TSPAN11: variants seen among roughly 807,000 people sequenced by gnomAD.
TSPAN11 encodes tetraspanin-11.
TSPAN11 carries 29 observed loss-of-function variants against 32.9 expected under a neutral mutation model. The observed-to-expected ratio is 0.88, with a 90% confidence interval of 0.66 to 1.20. TSPAN11 has a LOEUF of 1.20. Among genes scored for constraint, TSPAN11 ranks in the 50% most tolerant of loss-of-function variants. TSPAN11 has a pLI of 0.00. For synonymous variants in TSPAN11, 140 were observed against 141.3 expected (o/e 0.99, Z 0.07); for missense variants, 283 against 329.1 (o/e 0.86, Z 1.08).
rs1272294318 is a variant in TSPAN11, at chr12:30,959,790, A to AC, written c.85-4036_85-4035insC. Reference sequence around the variant, plus strand: ...GTGAGACTCTGTCTCAAAAAAAAAAAAAAAAAAAACCGAGGTGTGGGGGGA... The same window carrying AC: ...GTGAGACTCTGTCTCAAAAAAAAAAACAAAAAAAAACCGAGGTGTGGGGGGA... On this transcript the variant is annotated intron_variant, in intron 2 of 7. Transcript: ENST00000546076. 7.7e-5 allele frequency among the ~76,000 whole-genome samples: 11 copies of AC among 143,182 alleles called. 1 individual carries two copies. Among genetic ancestry groups the AC allele is most frequent in the African/African-American group, 2.8e-4 (10 of 36,162 alleles). The allele number at this position is 143,182 out of a possible 152,430, so 93.9% of individuals were successfully genotyped here.
chr12:30,964,073 G>C, intron 3 of TSPAN11, 56 bp downstream of exon 3: 2 of 1,567,256 alleles, frequency 1.3e-6, no homozygotes, highest in Non-Finnish European at 1.7e-6. Context: ...ACCCAGTCAG[G>C]TTTCCAGCAA....
intron 1 of TSPAN11, among the ~76,000 whole-genome samples, chr12:30,938,473 A>AGG (rs1484076811): frequency 1.3e-5 from 2 of 152,216 alleles, no homozygotes; most frequent in East Asian, 3.8e-4. Flanking sequence ...GGTAGTTAGA[A>AGG]GGGGTGCTGG....
At chr12:30,958,704 T>A (rs1221374301) in intron 2 of TSPAN11, among the ~76,000 whole-genome samples, 8 of 152,106 alleles carry the variant, frequency 5.3e-5, no homozygotes, top group African/African-American at 1.7e-4. Flanking sequence ...CACTTCTCCG[T>A]CATAGCAGAA....
the TSPAN11 span, among the ~76,000 whole-genome samples, chr12:31,008,016 C>T: frequency 7.9e-5 from 12 of 152,158 alleles, no homozygotes; most frequent in African/African-American, 2.7e-4. Context: ...GCAGAAGGGC[C>T]GCAGCTCCCT....
chr12:30,961,887 C>A (rs1476229925), intron 2 of TSPAN11, among the ~76,000 whole-genome samples: 4 of 152,018 alleles, frequency 2.6e-5, no homozygotes, highest in African/African-American at 9.7e-5. Context: ...GGCTGCAAAC[C>A]CTCACATTAC....
chr12:30,961,296 A>G lies in TSPAN11; in HGVS notation c.85-2530A>G, dbSNP rs1399238044. On this transcript the variant is annotated intron_variant, in intron 2 of 7. Coordinates refer to ENST00000546076, the MANE Select transcript of TSPAN11 (RefSeq NM_001370302.1). ...CCGGAGGTTCTTTGACAGAAGCTTG[A>G]CTTCTGGTACCAGCAGGGACAGTTT... Among the ~76,000 whole-genome samples, 4 of 151,808 alleles carry G rather than the reference A, an allele frequency of 2.6e-5. 1 individual carries two copies. Among genetic ancestry groups the G allele is most frequent in the African/African-American group, 7.3e-5 (3 of 41,166 alleles).
intron 5 of TSPAN11, among the ~76,000 whole-genome samples, chr12:30,980,956 C>G (rs1038564622): frequency 6.6e-6 from 1 of 152,198 alleles, no homozygotes; most frequent in Non-Finnish European, 1.5e-5. Context: ...GGACACACAG[C>G]AGGCGATGTG....
chr12:30,992,108 C>T lies in TSPAN11; in HGVS notation c.*193C>T. 2 of 636,322 alleles carry T rather than the reference C, an allele frequency of 3.1e-6. No homozygotes were observed. Among genetic ancestry groups the T allele is most frequent in the South Asian group, 3.6e-5 (2 of 54,892 alleles). The allele number at this position is 636,322 out of a possible 1,614,324, so 39.4% of individuals were successfully genotyped here. ...CACCCAGGCAGAGACCCTCGGCCCC[C>T]TCTCCTCCATTTCTGAGCCCCCATG... is the stretch of plus-strand genomic sequence containing the variant. On this transcript the variant is annotated 3_prime_UTR_variant, in exon 8 of 8. Transcript: ENST00000546076.
At chr12:30,997,757 A>AT (rs1203434482), downstream of TSPAN11, among the ~76,000 whole-genome samples, 2 of 152,118 alleles carry the variant, frequency 1.3e-5, no homozygotes, top group Middle Eastern at 3.2e-3. Context: ...GCTCAGGGGG[A>AT]TCCCCAGACA....
rs539213466 is a variant in TSPAN11 at position 30,964,008 on chromosome 12, C to T, written c.267C>T (p.Cys89=). 22 of 1,613,290 alleles carry T rather than the reference C, an allele frequency of 1.4e-5. No homozygotes were observed. In the South Asian group the frequency reaches 2.3e-4, roughly 17 times the overall value. The change falls in exon 3 of 8, where the codon TGC becomes TGT. Residue 89 remains cysteine (C), a synonymous_variant. Coordinates refer to ENST00000546076, the MANE Select transcript of TSPAN11 (RefSeq NM_001370302.1). ...CCATCCTCTGGGAGCGGAAGGGCTG[C>T]CTCTCCACGGTCAGTGCCCGCCCTG... ...FGAILWERKG[C]LSTYFCLLLV...
intron 1 of TSPAN11, among the ~76,000 whole-genome samples, chr12:30,949,455 G>T (rs553862655): frequency 7.9e-5 from 12 of 152,102 alleles, no homozygotes; most frequent in Non-Finnish European, 2.9e-5. Flanking sequence ...CTTACATGGT[G>T]GCAGCAAGAG....
At chr12:30,940,063 C>T (rs1373780949) in intron 1 of TSPAN11, among the ~76,000 whole-genome samples, 1 of 152,184 alleles carries the variant, frequency 6.6e-6, no homozygotes, top group African/African-American at 2.4e-5. Flanking sequence ...GTGAAAGACT[C>T]CCAAAGGGCC....
the TSPAN11 span, among the ~76,000 whole-genome samples, chr12:31,002,457 CTG>C: frequency 2.0e-5 from 3 of 152,206 alleles, no homozygotes; most frequent in African/African-American, 7.2e-5. This position sits in a 1 kb window ranked among gnomAD's most constrained non-coding sequence, Gnocchi z 4.8. Context: ...GTCACTGTGA[CTG>C]TGACAGCCAA....
In TSPAN11 at chr12:30,975,745, G is replaced by C. The variant is rs1938957119; in HGVS notation, c.277-2816G>C. ...CTATCCAGGAGTATCCTACGGGCCT[G>C]ACTCACAGCTCACAGTGGTGGTGGA... On this transcript the variant is annotated intron_variant, in intron 3 of 7. Coordinates refer to ENST00000546076, the MANE Select transcript of TSPAN11 (RefSeq NM_001370302.1). The surrounding 1 kb of genome is among the most constrained non-coding windows in gnomAD (Gnocchi z 4.5). Among the ~76,000 whole-genome samples, 1 of 151,910 alleles carries C rather than the reference G, an allele frequency of 6.6e-6. No homozygotes were observed. Among genetic ancestry groups the C allele is most frequent in the African/African-American group, 2.4e-5 (1 of 41,348 alleles).
intron 3 of TSPAN11, among the ~76,000 whole-genome samples, chr12:30,977,435 G>C (rs2140301997): frequency 6.6e-6 from 1 of 152,362 alleles, no homozygotes; most frequent in South Asian, 2.1e-4. Context: ...CCCTGCTGTG[G>C]CCAGGTGGGC....
At chr12:31,010,098 C>A in the TSPAN11 span, among the ~76,000 whole-genome samples, 11 of 152,298 alleles carry the variant, frequency 7.2e-5, no homozygotes, top group South Asian at 2.1e-3. Flanking sequence ...GGGAAGAGTG[C>A]AGGAAAGAAA....
At chr12:30,963,167 C>G (rs1013246739) in intron 2 of TSPAN11, among the ~76,000 whole-genome samples, 1 of 152,178 alleles carries the variant, frequency 6.6e-6, no homozygotes, top group Non-Finnish European at 1.5e-5. Flanking sequence ...CTGTCAAGAA[C>G]CCTGACTCTT....
intron 1 of TSPAN11, among the ~76,000 whole-genome samples, chr12:30,936,199 T>C (rs933620812): frequency 2.0e-5 from 3 of 152,216 alleles, no homozygotes; most frequent in African/African-American, 2.4e-5. Flanking sequence ...ATTCCTGCTC[T>C]TCCTTCAAAA....
At chr12:30,970,698 C>A (rs1055483864) in intron 3 of TSPAN11, among the ~76,000 whole-genome samples, 3 of 152,176 alleles carry the variant, frequency 2.0e-5, no homozygotes, top group African/African-American at 7.2e-5. Context: ...ATGGCTGAAT[C>A]CCAACCTTTG....
Sources: gnomAD v4.1 joint callset for allele counts (sites outside exome capture counted in the v4.1 genomes callset) on GRCh38, gnomAD v4.1.1 for gene constraint, Gnocchi (gnomAD v3.1) non-coding constraint, MANE v1.5 for transcripts, NCBI Gene and HGNC (gene_info 2026-07-23, HGNC 2026-07-21) for gene names.